PIGK: variants seen among roughly 807,000 people sequenced by gnomAD.
PIGK encodes the protein phosphatidylinositol glycan anchor biosynthesis class K.
In PIGK, 42 loss-of-function variants were observed where a neutral mutation model predicts 50.6. That is an observed-to-expected ratio of 0.83 (90% CI 0.65 to 1.07). PIGK has a LOEUF of 1.07. Among genes scored for constraint, PIGK ranks in the 50% least tolerant of loss-of-function variants. The pLI is 0.00. For synonymous variants in PIGK, 151 were observed against 156.0 expected, an observed-to-expected ratio of 0.97 and a Z score of 0.24; for missense variants, 448 against 488.7, an observed-to-expected ratio of 0.92 and a Z score of 0.78.
chr1:77,124,909 G>A (rs186674029), intron 9 of PIGK, among the ~76,000 whole-genome samples: 1 of 152,116 alleles, frequency 6.6e-6, no homozygotes, highest in Admixed American at 6.5e-5. Flanking sequence ...TTCTACTGTG[G>A]TCAATGGTGG....
At chr1:77,182,064 GA>G (rs1655628089) in intron 3 of PIGK, among the ~76,000 whole-genome samples, 3 of 152,106 alleles carry the variant, frequency 2.0e-5, no homozygotes, top group African/African-American at 7.2e-5. Flanking sequence ...AATAAAAACT[GA>G]AAAAATTGCA....
chr1:77,103,807 C>T (rs571796051), intron 10 of PIGK, among the ~76,000 whole-genome samples: 43 of 152,168 alleles, frequency 2.8e-4, no homozygotes, highest in Middle Eastern at 3.4e-3. Flanking sequence ...AATCTACCTG[C>T]GTTTTTGGCA....
intron 9 of PIGK, among the ~76,000 whole-genome samples, chr1:77,153,039 G>A (rs1328972649): frequency 1.3e-5 from 2 of 152,084 alleles, no homozygotes; most frequent in African/African-American, 4.8e-5. Flanking sequence ...AAGGAAATCA[G>A]TATACTGAAG....
intron 9 of PIGK, among the ~76,000 whole-genome samples, chr1:77,152,133 T>C (rs1199129711): frequency 6.6e-6 from 1 of 152,072 alleles, no homozygotes; most frequent in Non-Finnish European, 1.5e-5. Flanking sequence ...CAAAACAGCA[T>C]GGTATAGGGA....
At chr1:77,181,617 C>A (rs754988560) in intron 3 of PIGK, among the ~76,000 whole-genome samples, 4 of 152,094 alleles carry the variant, frequency 2.6e-5, no homozygotes, top group Non-Finnish European at 5.9e-5. Context: ...TCATCCCAAG[C>A]TAGAATAGTA....
intron 10 of PIGK, among the ~76,000 whole-genome samples, chr1:77,094,515 C>G (rs2069225): frequency 6.6e-6 from 1 of 152,058 alleles, no homozygotes; most frequent in South Asian, 2.1e-4. Flanking sequence ...GAACATCATT[C>G]AAGCTCTACA....
chr1:77,210,433 T>TA lies in PIGK; in HGVS notation c.147+2dup. 4 of 1,581,884 alleles carry TA rather than the reference T, an allele frequency of 2.5e-6. No homozygotes were observed. The highest frequency in any genetic ancestry group is 3.5e-6 in the Non-Finnish European group (4 of 1,157,210). ...GCAAGGTATACTTTTACAGTATACT[T>TA]ACCAGAACAGCCCAGTTGTTTGTAT... is the stretch of plus-strand genomic sequence containing the variant. On this transcript the variant is annotated splice_region_variant and intron_variant, in intron 2 of 10. Transcript: ENST00000370812.
chr1:77,181,483 C>T (rs546748080), intron 3 of PIGK, among the ~76,000 whole-genome samples: 83 of 152,136 alleles, frequency 5.5e-4, no homozygotes, highest in Admixed American at 1.9e-3. Context: ...TTAAACTGTT[C>T]GCTTAAAAAT....
At chr1:77,154,109 T>C in intron 9 of PIGK, 1 of 358,268 alleles carries the variant, frequency 2.8e-6, no homozygotes, top group Non-Finnish European at 5.0e-6. Flanking sequence ...TCTCATTCCT[T>C]TCCCTAATGT....
chr1:77,191,202 G>A (rs17368950), intron 3 of PIGK, among the ~76,000 whole-genome samples: 35,433 of 152,134 alleles, frequency 0.23, 5,107 homozygotes, highest in Non-Finnish European at 0.32. Flanking sequence ...CAAGAGTGTT[G>A]TAGTCATGAA....
At chr1:77,190,042 G>A (rs761251790) in intron 3 of PIGK, among the ~76,000 whole-genome samples, 2 of 151,978 alleles carry the variant, frequency 1.3e-5, no homozygotes, top group African/African-American at 2.4e-5. Flanking sequence ...TGACATGAAC[G>A]TCTGCTTTTA....
chr1:77,217,782 A>G (rs558475743), intron 1 of PIGK, among the ~76,000 whole-genome samples: 1 of 152,230 alleles, frequency 6.6e-6, no homozygotes, highest in Non-Finnish European at 1.5e-5. Flanking sequence ...GTAAAGGCAA[A>G]GGTAAGAGAT....
chr1:77,183,515 C>G (rs1467699557), intron 3 of PIGK, among the ~76,000 whole-genome samples: 1 of 152,162 alleles, frequency 6.6e-6, no homozygotes, highest in Admixed American at 6.6e-5. Flanking sequence ...AGGTGAGGTT[C>G]AGAGTGTGAC....
At chr1:77,129,871 A>C (rs1654327942) in intron 9 of PIGK, among the ~76,000 whole-genome samples, 1 of 151,986 alleles carries the variant, frequency 6.6e-6, no homozygotes, top group Admixed American at 6.5e-5. Flanking sequence ...TGCTATCCAA[A>C]ATGACTGTAT....
chr1:77,184,228 T>C (rs1023219202), intron 3 of PIGK, among the ~76,000 whole-genome samples: 7 of 151,958 alleles, frequency 4.6e-5, no homozygotes, highest in African/African-American at 7.3e-5. Flanking sequence ...AGAAGTGAAA[T>C]TGACAGGAAG....
chr1:77,157,724 C>T lies in PIGK; in HGVS notation c.814-3103G>A, dbSNP rs1300682836. Among the ~76,000 whole-genome samples the T allele has an allele frequency of 3.9e-5, 6 of 152,142 alleles. No homozygotes were observed. The South Asian group carries it at 1.2e-3, about 32-fold the overall frequency. On this transcript the variant is annotated intron_variant, in intron 8 of 10. Coordinates refer to ENST00000370812, the MANE Select transcript of PIGK (RefSeq NM_005482.3). ...AGTTGATATAGTTTGGCTATGTCCC[C>T]ACCCAAATCTCATCTTGAATTACAG...
chr1:77,178,078 T>C (rs1004281601), intron 3 of PIGK, among the ~76,000 whole-genome samples: 26 of 152,036 alleles, frequency 1.7e-4, no homozygotes, highest in Admixed American at 5.2e-4. Flanking sequence ...AAAAAGGGGG[T>C]CTCTTGTGTG....
At chr1:77,205,647 A>G (rs1188678597) in intron 3 of PIGK, among the ~76,000 whole-genome samples, 1 of 152,106 alleles carries the variant, frequency 6.6e-6, no homozygotes, top group Non-Finnish European at 1.5e-5. Flanking sequence ...AAAAATCACC[A>G]TTAAAGCCAG....
At chr1:77,176,683 T>G (rs1446030149) in intron 3 of PIGK, among the ~76,000 whole-genome samples, 1 of 152,168 alleles carries the variant, frequency 6.6e-6, no homozygotes, top group Non-Finnish European at 1.5e-5. Context: ...GAATACAGGT[T>G]CCTGATAACA....
Sources: gnomAD v4.1 joint callset for allele counts (sites outside exome capture counted in the v4.1 genomes callset) on GRCh38, gnomAD v4.1.1 for gene constraint, MANE v1.5 for transcripts, NCBI Gene and HGNC (gene_info 2026-07-23, HGNC 2026-07-21) for gene names.